Variants in PIK3R4 observed in about 807,000 individuals in gnomAD.
PIK3R4 encodes phosphoinositide 3-kinase regulatory subunit 4.
A neutral mutation model predicts 136.5 loss-of-function variants in PIK3R4; 46 were observed. That is an observed-to-expected ratio of 0.34 (90% CI 0.27 to 0.43). PIK3R4 has a LOEUF of 0.43. Ranked by LOEUF, PIK3R4 falls within the 20% of genes least tolerant of loss-of-function variation. PIK3R4 has a pLI of 1.00. For synonymous variants in PIK3R4, 557 were observed against 566.7 expected (o/e 0.98, Z 0.24); for missense variants, 1,331 against 1,649.5 (o/e 0.81, Z 3.35).
In PIK3R4 at chr3:130,705,592, A is replaced by C; in HGVS notation, c.2901T>G (p.Asn967Lys). Residue 967 changes from asparagine to lysine, a missense_variant, in exon 12 of 20, where the codon AAT (asparagine) becomes AAG (lysine). Transcript: ENST00000356763. ...AERIAKQMMENAEWESKPPPP... is the reference protein window; with the variant it reads ...AERIAKQMMEKAEWESKPPPP... ...GTGGTGGTTTACTCTCCCATTCAGC[A>C]TTTTCCATCATCTGCTTAGCTATTC... The C allele has an allele frequency of 1.2e-6, 2 of 1,613,672 alleles. No individual in the cohort carries two copies. The highest frequency in any genetic ancestry group is 2.2e-5 in the South Asian group (2 of 91,062).
intron 1 of PIK3R4, among the ~76,000 whole-genome samples, chr3:130,745,587 CATATTT>C (rs1329582176): frequency 6.6e-6 from 1 of 152,150 alleles, no homozygotes; most frequent in Admixed American, 6.5e-5. Flanking sequence ...GTTATTTTCT[CATATTT>C]AAATTTAAAA....
At chr3:130,717,996 T>A (rs1164334740) in intron 8 of PIK3R4, among the ~76,000 whole-genome samples, 1 of 152,192 alleles carries the variant, frequency 6.6e-6, no homozygotes, top group Non-Finnish European at 1.5e-5. Context: ...GGTGAAAAAC[T>A]TAAATTTGAA....
At chr3:130,741,488 G>A (rs960275344) in intron 2 of PIK3R4, among the ~76,000 whole-genome samples, 3 of 152,178 alleles carry the variant, frequency 2.0e-5, no homozygotes, top group Non-Finnish European at 2.9e-5. Flanking sequence ...AAACTTTTAC[G>A]ATTTTATTCT....
intron 14 of PIK3R4, among the ~76,000 whole-genome samples, chr3:130,686,769 C>T (rs2066493368): frequency 1.3e-5 from 2 of 152,178 alleles, no homozygotes; most frequent in Admixed American, 1.3e-4. Flanking sequence ...TTTTACTATT[C>T]CAGGATCCAA....
At chr3:130,722,842 G>A (rs1385719339) in intron 7 of PIK3R4, among the ~76,000 whole-genome samples, 1 of 150,286 alleles carries the variant, frequency 6.7e-6, no homozygotes, top group Non-Finnish European at 1.5e-5. Flanking sequence ...AGATCATGAG[G>A]TCAGGAGTTC....
chr3:130,720,585 A>T (rs1553729307), intron 7 of PIK3R4, among the ~76,000 whole-genome samples: 9 of 152,184 alleles, frequency 5.9e-5, no homozygotes, highest in Non-Finnish European at 1.5e-5. Context: ...TCACCATCAA[A>T]ACCACCACCA....
intron 8 of PIK3R4, among the ~76,000 whole-genome samples, chr3:130,717,834 T>G (rs1398821075): frequency 6.6e-6 from 1 of 152,188 alleles, no homozygotes. Flanking sequence ...TCTAGCAAGA[T>G]GAAGGGTATA....
In PIK3R4 at chr3:130,733,900, G is replaced by A. The variant is rs761987232; in HGVS notation, c.1098C>T (p.Ala366=). 1.1e-5 allele frequency: 18 copies of A among 1,613,934 alleles called. 1 individual carries two copies. The highest frequency in any genetic ancestry group is 7.7e-5 in the South Asian group (7 of 91,080). Residue 366 remains alanine (A), a synonymous_variant, in exon 4 of 20, where the codon GCC becomes GCT. Coordinates refer to ENST00000356763, the MANE Select transcript of PIK3R4 (RefSeq NM_014602.3). ...GCCCATTTTCCTTAGGCTCTCCTTC[G>A]GCTTTTTCTGGCAGATCATGTCCAC... ...NLCGHDLPEK[A]EGEPKENGLV...
chr3:130,725,729 T>A (rs975271440), intron 6 of PIK3R4, among the ~76,000 whole-genome samples: 6 of 151,874 alleles, frequency 4.0e-5, no homozygotes, highest in Non-Finnish European at 8.8e-5. Context: ...AATATGTATA[T>A]AAAGGCTCGA....
intron 1 of PIK3R4, among the ~76,000 whole-genome samples, chr3:130,745,716 AAG>A (rs2066848678): frequency 6.6e-6 from 1 of 152,208 alleles, no homozygotes; most frequent in South Asian, 2.1e-4. Flanking sequence ...GGAAATAAGA[AAG>A]AGACACATTA....
In PIK3R4 at chr3:130,708,485, G is replaced by C; in HGVS notation, c.2339C>G (p.Thr780Arg). Residue 780 changes from threonine (T) to arginine (R), a missense_variant, in exon 10 of 20, where the codon ACA becomes AGA. By Grantham distance (71) the Thr-to-Arg change is moderately conservative (BLOSUM62 -1). Coordinates refer to ENST00000356763, the MANE Select transcript of PIK3R4 (RefSeq NM_014602.3). ...LLKKLLSQGM[T>R]EEEEDKLLAL... ...CAGAAGTTTGTCTTCCTCTTCCTCT[G>C]TCATTCCCTAAAACCAAATAAAACC... is the stretch of plus-strand genomic sequence containing the variant. The C allele has an allele frequency of 6.2e-7, 1 of 1,611,300 alleles. No individual in the cohort carries two copies. Among genetic ancestry groups the C allele is most frequent in the Non-Finnish European group, 8.5e-7 (1 of 1,177,982 alleles).
At chr3:130,701,050 G>T (rs760211106) in intron 13 of PIK3R4, among the ~76,000 whole-genome samples, 5 of 152,164 alleles carry the variant, frequency 3.3e-5, no homozygotes, top group South Asian at 2.1e-4. Flanking sequence ...TCTAAAGCAT[G>T]ACACTGGGAT....
Position 130,681,585 on chromosome 3 carries a change from T to C in PIK3R4, c.3614A>G (p.Gln1205Arg). ...LYQSWVIAAVQGNNEVSMWDM... is the reference protein window; with the variant it reads ...LYQSWVIAAVRGNNEVSMWDM... ...CCACATGGACACTTCGTTGTTGCCC[T>C]GAACAGCTAAAGGAAACAAAGGCCA... Residue 1205 changes from glutamine (Q) to arginine (R), a missense_variant, in exon 17 of 20, where the codon CAG becomes CGG. Physicochemically the swap from Gln to Arg is conservative, Grantham distance 43. Coordinates refer to ENST00000356763, the MANE Select transcript of PIK3R4 (RefSeq NM_014602.3). The C allele has an allele frequency of 6.2e-7, 1 of 1,600,084 alleles. No individual in the cohort carries two copies. The highest frequency in any genetic ancestry group is 8.6e-7 in the Non-Finnish European group (1 of 1,167,874).
At position 130,716,377 on chromosome 3, in the gene PIK3R4, T is replaced by G. The variant is rs754312960; in HGVS notation, c.2331+19A>C. 1 of 1,598,578 alleles carries G rather than the reference T, an allele frequency of 6.3e-7. No homozygotes were observed. Among genetic ancestry groups the G allele is most frequent in the East Asian group, 2.2e-5 (1 of 44,824 alleles). ...TGAAATTCGCATTTAAATGTAAGACTTTGGAAGGGTGATACAACCTGTGAG... is the reference window on the plus strand; with the variant it reads ...TGAAATTCGCATTTAAATGTAAGACGTTGGAAGGGTGATACAACCTGTGAG... On this transcript the variant is annotated intron_variant, in intron 9 of 19. Coordinates refer to ENST00000356763, the MANE Select transcript of PIK3R4 (RefSeq NM_014602.3).
At chr3:130,727,748 A>G (rs1177644599) in intron 6 of PIK3R4, among the ~76,000 whole-genome samples, 1 of 152,216 alleles carries the variant, frequency 6.6e-6, no homozygotes, top group Non-Finnish European at 1.5e-5. Context: ...TTCAGGGAAA[A>G]GGGGATCAGT....
chr3:130,679,160 C>T lies in PIK3R4; in HGVS notation c.*155G>A, dbSNP rs1366668721. ...AGTAAACTAGTCAAGTACATCTTAA[C>T]CATTTTGGGTGTCATTTAGTCAGTC... On this transcript the variant is annotated 3_prime_UTR_variant, in exon 20 of 20. Coordinates refer to ENST00000356763, the MANE Select transcript of PIK3R4 (RefSeq NM_014602.3). 2.4e-6 allele frequency: 1 copy of T among 423,394 alleles called. No homozygotes were observed. Among genetic ancestry groups the T allele is most frequent in the Non-Finnish European group, 4.1e-6 (1 of 243,042 alleles). 26.2% of individuals were successfully genotyped at this position (423,394 alleles called of 1,614,324 possible).
rs1228606017 is a variant in PIK3R4 at position 130,723,383 on chromosome 3, C to G, written c.1981+31G>C. The G allele has an allele frequency of 1.3e-6, 2 of 1,565,798 alleles. 1 individual carries two copies. The highest frequency in any genetic ancestry group is 2.4e-5 in the South Asian group (2 of 84,594). ...AGAAATTTTATAAAGTTCTTCCAATCTCATTCTAATTTTGAGAAACAGAAA... is the reference window on the plus strand; with the variant it reads ...AGAAATTTTATAAAGTTCTTCCAATGTCATTCTAATTTTGAGAAACAGAAA... On this transcript the variant is annotated intron_variant, in intron 7 of 19. Transcript: ENST00000356763.
intron 6 of PIK3R4, among the ~76,000 whole-genome samples, chr3:130,725,086 A>G (rs1201241372): frequency 6.6e-6 from 1 of 152,034 alleles, no homozygotes; most frequent in Non-Finnish European, 1.5e-5. Context: ...GAAAAATTCT[A>G]TCTAAAATTC....
At chr3:130,715,556 CT>C (rs1051150499) in intron 9 of PIK3R4, among the ~76,000 whole-genome samples, 2 of 151,882 alleles carry the variant, frequency 1.3e-5, no homozygotes, top group African/African-American at 4.8e-5. Context: ...ATGGAAATGT[CT>C]TTTTTTGAAA....
Sources: gnomAD v4.1 joint callset for allele counts (sites outside exome capture counted in the v4.1 genomes callset) on GRCh38, gnomAD v4.1.1 for gene constraint, MANE v1.5 for transcripts, NCBI Gene and HGNC (gene_info 2026-07-23, HGNC 2026-07-21) for gene names.